The following CRTC1 variants were observed in gnomAD, a reference collection of about 807,000 sequenced individuals.
CRTC1 encodes CREB regulated transcription coactivator 1, also known as CREB-regulated transcription coactivator 1.
CRTC1 carries 18 observed loss-of-function variants against 66.1 expected under a neutral mutation model. That is an observed-to-expected ratio of 0.27 (90% CI 0.19 to 0.40). The LOEUF (loss-of-function observed/expected upper bound fraction) is 0.40. CRTC1 is among the 10% of genes least tolerant of loss of function. The pLI is 1.00. For missense variants in CRTC1, 669 were observed against 887.9 expected, an observed-to-expected ratio of 0.75 and a Z score of 3.13; for synonymous variants, 416 against 398.8, an observed-to-expected ratio of 1.04 and a Z score of -0.51.
chr19:18,705,967 C>CTTT (rs71336689), intron 1 of CRTC1, among the ~76,000 whole-genome samples: 77 of 122,288 alleles, frequency 6.3e-4, no homozygotes, highest in African/African-American at 2.1e-3. Context: ...CTCTCTCTCT[C>CTTT]TTTTTTTTTT....
At chr19:18,724,305 G>A (rs2051815) in intron 1 of CRTC1, among the ~76,000 whole-genome samples, 64,766 of 151,704 alleles carry the variant, frequency 0.43, 15,386 homozygotes, top group East Asian at 0.85. Context: ...TCTTAGAGGT[G>A]ATGGGTTGTT....
chr19:18,714,082 A>G (rs910791502), intron 1 of CRTC1, among the ~76,000 whole-genome samples: 1 of 152,092 alleles, frequency 6.6e-6, no homozygotes, highest in African/African-American at 2.4e-5. Context: ...ACAAGCCCAT[A>G]CTGTCCTTAC....
rs754042010 is a variant in CRTC1 at position 18,760,105 on chromosome 19, C to T, written c.763C>T (p.Pro255Ser). The T allele has an allele frequency of 1.9e-6, 3 of 1,613,790 alleles. No individual in the cohort carries two copies. The highest frequency in any genetic ancestry group is 1.3e-5 in the African/African-American group (1 of 74,906). The change falls in exon 8 of 14, where the codon CCC (proline) becomes TCC (serine). Residue 255 changes from proline (P) to serine (S), a missense_variant. Pro to Ser is a moderately conservative substitution (Grantham distance 74, BLOSUM62 -1). Coordinates refer to ENST00000321949, the MANE Select transcript of CRTC1 (RefSeq NM_015321.3). This position sits in a 1 kb window ranked among gnomAD's most constrained non-coding sequence, Gnocchi z 6.2. ...GCCCGACCTGACCAACATCCACTTC[C>T]CCTCCCCGCTCCCGACCCCGCTGGA... ...SLPDLTNIHF[P>S]SPLPTPLDPE... is the part of the protein sequence containing the mutation.
rs199947468 is a variant in CRTC1 at position 18,781,413 on chromosome 19, CT to C, written c.*4032del. 2 of 230,388 alleles carry C rather than the reference CT, an allele frequency of 8.7e-6. No individual in the cohort carries two copies. Among genetic ancestry groups the C allele is most frequent in the Non-Finnish European group, 1.7e-5 (2 of 116,274 alleles). The allele number at this position is 230,388 out of a possible 1,614,324, so 14.3% of individuals were successfully genotyped here. A position where few individuals can be genotyped will look rare whatever the true frequency, so the allele number is the denominator to read the frequency against. ...GTGATTTGGGGGTCCCTGGGACATT[CT>C]CCCGTCAGCTCCACCTGAGCCAAGT... On this transcript the variant is annotated 3_prime_UTR_variant, in exon 14 of 14. Transcript: ENST00000321949.
chr19:18,731,979 G>A (rs568027675), intron 1 of CRTC1, among the ~76,000 whole-genome samples: 13 of 152,356 alleles, frequency 8.5e-5, no homozygotes, highest in Non-Finnish European at 5.9e-5. Flanking sequence ...ACCTGGGTTT[G>A]GCTGCCTGTG....
rs952235371 is a variant in CRTC1, at chr19:18,736,766, C to T, written c.127-6144C>T. Among the ~76,000 whole-genome samples the T allele has an allele frequency of 3.3e-5, 5 of 150,494 alleles. No individual in the cohort carries two copies. The East Asian group carries it at 9.7e-4, about 29-fold the overall frequency. Reference sequence around the variant, plus strand: ...ACAGCACTTCCCTCCCTGGCCCCCCCACAGGGAGGCCCTGGGTCTGCCACG... The same window carrying T: ...ACAGCACTTCCCTCCCTGGCCCCCCTACAGGGAGGCCCTGGGTCTGCCACG... On this transcript the variant is annotated intron_variant, in intron 1 of 13. Transcript: ENST00000321949.
In CRTC1 at chr19:18,683,746, C is replaced by A; in HGVS notation, c.44C>A (p.Ala15Glu). 1 of 1,401,044 alleles carries A rather than the reference C, an allele frequency of 7.1e-7. No individual in the cohort carries two copies. Among genetic ancestry groups the A allele is most frequent in the Non-Finnish European group, 9.5e-7 (1 of 1,053,714 alleles). The allele number at this position is 1,401,044 out of a possible 1,614,324, so 86.8% of individuals were successfully genotyped here. Residue 15 changes from alanine (A) to glutamate (E), a missense_variant, in exon 1 of 14, where the codon GCG becomes GAG. This residue lies in a region of CRTC1 where 23 missense variants were observed against 30.6 expected (regional missense o/e 0.75). Coordinates refer to ENST00000321949, the MANE Select transcript of CRTC1 (RefSeq NM_015321.3). ...CCGCGGAAATTCAGCGAGAAGATCG[C>A]GCTGCACAATCAGAAGCAGGCGGAG... ...NNPRKFSEKIALHNQKQAEET... is the reference protein window; with the variant it reads ...NNPRKFSEKIELHNQKQAEET...
chr19:18,704,072 G>A (rs980235174), intron 1 of CRTC1, among the ~76,000 whole-genome samples: 2 of 152,062 alleles, frequency 1.3e-5, no homozygotes, highest in Admixed American at 6.6e-5. Flanking sequence ...TGAGGTTGTG[G>A]GATTTTGGTG....
rs142032727 is a variant in CRTC1, at chr19:18,774,972, G to T, written c.1498G>T (p.Ala500Ser). Reference protein sequence around the residue: ...EQQMAARQANALSHQLEQFNM... With the variant: ...EQQMAARQANSLSHQLEQFNM... The stretch of plus-strand genomic sequence containing the variant: ...GCAGATGGCGGCCAGGCAGGCCAAT[G>T]CTCTGTCCCACCAGGTGAGCGGGCG... The change falls in exon 12 of 14, where the codon GCT (alanine) becomes TCT (serine). Residue 500 changes from alanine to serine, a missense_variant. Around this residue, in one of 8 missense-constraint regions of CRTC1, gnomAD observed 79 missense variants for 100.1 expected, o/e 0.79. Coordinates refer to ENST00000321949, the MANE Select transcript of CRTC1 (RefSeq NM_015321.3). The T allele has an allele frequency of 1.4e-5, 23 of 1,606,262 alleles. No individual in the cohort carries two copies. The highest frequency in any genetic ancestry group is 1.9e-5 in the Non-Finnish European group (23 of 1,179,950).
At position 18,774,939 on chromosome 19, in the gene CRTC1, T is replaced by G; in HGVS notation, c.1465T>G (p.Tyr489Asp). The part of the protein sequence containing the change: ...TLGSVFGDAY[Y>D]EQQMAARQAN... ...GGGCAGCGTGTTTGGGGACGCGTAC[T>G]ATGAGCAGCAGATGGCGGCCAGGCA... The change falls in exon 12 of 14, where the codon TAT becomes GAT. Residue 489 changes from tyrosine to aspartate, a missense_variant. Coordinates refer to ENST00000321949, the MANE Select transcript of CRTC1 (RefSeq NM_015321.3). 1 of 1,610,278 alleles carries G rather than the reference T, an allele frequency of 6.2e-7. No individual in the cohort carries two copies. Among genetic ancestry groups the G allele is most frequent in the Non-Finnish European group, 8.5e-7 (1 of 1,180,012 alleles).
intron 5 of CRTC1, among the ~76,000 whole-genome samples, chr19:18,752,121 G>C (rs2054376208): frequency 6.7e-6 from 1 of 148,504 alleles, no homozygotes; most frequent in South Asian, 2.1e-4. Flanking sequence ...CTGCACTCCA[G>C]CCTGGGTGGG....
intron 9 of CRTC1, among the ~76,000 whole-genome samples, chr19:18,766,287 A>ATTTTTTTTTTTTT (rs1020411277): frequency 1.8e-5 from 2 of 109,680 alleles, no homozygotes; most frequent in African/African-American, 3.5e-5. Flanking sequence ...TGCCTGGCTA[A>ATTTTTTTTTTTTT]TTTTTTTTTT....
At chr19:18,715,708 G>A (rs763053810) in intron 1 of CRTC1, among the ~76,000 whole-genome samples, 1 of 152,212 alleles carries the variant, frequency 6.6e-6, no homozygotes, top group African/African-American at 2.4e-5. Flanking sequence ...TTTTGCTTTC[G>A]TCATTTGTGT....
Position 18,768,704 on chromosome 19 carries a change from C to T in CRTC1, c.1231C>T (p.Pro411Ser). ...SASLTRGPQP[P>S]PLAVTVPSSL... ...CAGCCTGACTCGTGGGCCACAGCCGCCCCCGCTTGCAGTCACGGTACCGTC... is the reference window on the plus strand; with the variant it reads ...CAGCCTGACTCGTGGGCCACAGCCGTCCCCGCTTGCAGTCACGGTACCGTC... The change falls in exon 10 of 14, where the codon CCC becomes TCC. Residue 411 changes from proline to serine, a missense_variant. Pro to Ser is a moderately conservative substitution (Grantham distance 74). Around this residue, in one of 8 missense-constraint regions of CRTC1, gnomAD observed 241 missense variants for 242.2 expected, o/e 0.99. Transcript: ENST00000321949. The surrounding 1 kb of genome is among the most constrained non-coding windows in gnomAD (Gnocchi z 5.6). 2 of 1,588,384 alleles carry T rather than the reference C, an allele frequency of 1.3e-6. No homozygotes were observed. Among genetic ancestry groups the T allele is most frequent in the Non-Finnish European group, 1.7e-6 (2 of 1,168,812 alleles).
chr19:18,724,658 G>A (rs1234404025), intron 1 of CRTC1, among the ~76,000 whole-genome samples: 6 of 149,866 alleles, frequency 4.0e-5, no homozygotes, highest in Non-Finnish European at 8.9e-5. Flanking sequence ...CCCCAATCCC[G>A]GCCGTCCCCC....
intron 1 of CRTC1, among the ~76,000 whole-genome samples, chr19:18,696,819 C>T (rs1325485464): frequency 7.0e-6 from 1 of 143,706 alleles, no homozygotes; most frequent in African/African-American, 2.6e-5. Context: ...AGGTGTGCCA[C>T]TCACGGAGGA....
In CRTC1 at chr19:18,779,635, A is replaced by G. The variant is rs541085840; in HGVS notation, c.*2253A>G. ...GGAAACCTCATACCCCATCCGTCCA[A>G]CCTCCGGCGGGCGCCACTGCTTGTC... On this transcript the variant is annotated 3_prime_UTR_variant, in exon 14 of 14. Transcript: ENST00000321949. 2 of 222,634 alleles carry G rather than the reference A, an allele frequency of 9.0e-6. No homozygotes were observed. Among genetic ancestry groups the G allele is most frequent in the Non-Finnish European group, 1.8e-5 (2 of 111,646 alleles). The allele number at this position is 222,634 out of a possible 1,614,324, so 13.8% of individuals were successfully genotyped here. A position where few individuals can be genotyped will look rare whatever the true frequency, so the allele number is the denominator to read the frequency against.
rs1178452141 is a variant in CRTC1, at chr19:18,774,891, T to C, written c.1426-9T>C. 1.1e-5 allele frequency: 17 copies of C among 1,610,448 alleles called. No homozygotes were observed. The South Asian group carries it at 1.8e-4, about 17-fold the overall frequency. On this transcript the variant is annotated splice_polypyrimidine_tract_variant and intron_variant, in intron 11 of 13. Transcript: ENST00000321949. ...CCGTGACCACAGCAGGCCTCTCTTC[T>C]GTCTGCAGCACACTTCCACCCTGGG...
chr19:18,735,014 C>A (rs564262663), intron 1 of CRTC1, among the ~76,000 whole-genome samples: 2 of 152,210 alleles, frequency 1.3e-5, no homozygotes, highest in African/African-American at 4.8e-5. Flanking sequence ...GGCGTCCGGG[C>A]AGAAAATCCT....
Sources: gnomAD v4.1 joint callset for allele counts (sites outside exome capture counted in the v4.1 genomes callset) on GRCh38, gnomAD v4.1.1 for gene constraint, gnomAD v4.1.1 regional missense constraint, Gnocchi (gnomAD v3.1) non-coding constraint, MANE v1.5 for transcripts, NCBI Gene and HGNC (gene_info 2026-07-23, HGNC 2026-07-21) for gene names.